IQGAP3: variants seen among roughly 807,000 people sequenced by gnomAD.
The protein encoded by IQGAP3 is IQ motif containing GTPase activating protein 3.
In IQGAP3, 165 loss-of-function variants were observed where a neutral mutation model predicts 208.2. That is an observed-to-expected ratio of 0.79 (90% CI 0.70 to 0.90). The LOEUF is 0.90. Among genes scored for constraint, IQGAP3 ranks in the 40% least tolerant of loss-of-function variants. IQGAP3 has a pLI of 0.00. For synonymous variants in IQGAP3, 703 were observed against 803.6 expected (o/e 0.87, Z 2.12); for missense variants, 1,811 against 2,043.1 (o/e 0.89, Z 2.19).
At position 156,566,077 on chromosome 1, in the gene IQGAP3, C is replaced by T; in HGVS notation, c.310G>A (p.Asp104Asn). 6.2e-7 allele frequency: 1 copy of T among 1,613,856 alleles called. No individual in the cohort carries two copies. The highest frequency in any genetic ancestry group is 1.1e-5 in the South Asian group (1 of 91,054). ...QATGLHFRHT[D>N]NINFWLSAIA... ...GCAGATAGCCAAAAGTTGATGTTGTCTGTGTGACGGAAATGTAAGCCAGTT... is the reference window on the plus strand; with the variant it reads ...GCAGATAGCCAAAAGTTGATGTTGTTTGTGTGACGGAAATGTAAGCCAGTT... Residue 104 changes from aspartate to asparagine, a missense_variant, in exon 4 of 38, where the codon GAC becomes AAC. Transcript: ENST00000361170.
At chr1:156,529,173 A>T in intron 34 of IQGAP3, 91 bp from the exon 35 acceptor site, 3 of 1,325,728 alleles carry the variant, frequency 2.3e-6, no homozygotes, top group South Asian at 1.3e-5. Flanking sequence ...ACACACTGTG[A>T]GGCTCTTCGG....
chr1:156,537,073 CCCTCCCTGCCTT>C (rs1674720812), intron 27 of IQGAP3, 96 bp downstream of exon 27: 2 of 1,239,142 alleles, frequency 1.6e-6, no homozygotes, highest in African/African-American at 1.5e-5. Context: ...GGCTCCATCT[CCCTCCCTGCCTT>C]CCTCCCTGCA....
At chr1:156,532,496 A>G (rs1674458319) in intron 32 of IQGAP3, among the ~76,000 whole-genome samples, 1 of 151,866 alleles carries the variant, frequency 6.6e-6, no homozygotes, top group Non-Finnish European at 1.5e-5. Context: ...AACTATGAAG[A>G]GGGGAAGCCA....
At chr1:156,563,438 C>T (rs945604726) in intron 7 of IQGAP3, 115 bp downstream of exon 7, 12 of 1,320,814 alleles carry the variant, frequency 9.1e-6, no homozygotes, top group Non-Finnish European at 1.2e-5. Context: ...ACCAGGTAGC[C>T]TGATGGCCCT....
intron 16 of IQGAP3, among the ~76,000 whole-genome samples, chr1:156,549,209 C>T (rs924391630): frequency 6.6e-6 from 1 of 152,154 alleles, no homozygotes; most frequent in East Asian, 1.9e-4. Flanking sequence ...GCCTGTAATC[C>T]CAGCTCTTTG....
At chr1:156,556,749 C>G in intron 11 of IQGAP3, 56 bp from the exon 12 acceptor site, 5 of 1,434,200 alleles carry the variant, frequency 3.5e-6, no homozygotes, top group Non-Finnish European at 4.6e-6. Context: ...GGCATCTCCA[C>G]TCTCCTCACC....
chr1:156,530,069 C>T lies in IQGAP3; in HGVS notation c.4404+36G>A, dbSNP rs1338521980. Reference sequence around the variant, plus strand: ...ATATGCACGCACACACACACACGTACACACAGGCACACGGAGCCCAGGCCC... The same window carrying T: ...ATATGCACGCACACACACACACGTATACACAGGCACACGGAGCCCAGGCCC... On this transcript the variant is annotated intron_variant, in intron 34 of 37. Coordinates refer to ENST00000361170, the MANE Select transcript of IQGAP3 (RefSeq NM_178229.5). The T allele has an allele frequency of 1.2e-5, 18 of 1,505,884 alleles. No individual in the cohort carries two copies. In the Admixed American group the frequency reaches 3.3e-4, roughly 27 times the overall value. The allele number at this position is 1,505,884 out of a possible 1,614,324, so 93.3% of individuals were successfully genotyped here.
Position 156,560,958 on chromosome 1 carries a change from T to C in IQGAP3, c.1105A>G (p.Thr369Ala). ...CTGGCTTGTTCCTGATCACCCTTTG[T>C]GTTGGCTGCAGCCACACCAGCCTGG... ...EVQAGVAAAN[T>A]KGDQEQAMLH... The change falls in exon 11 of 38, where the codon ACA becomes GCA. Residue 369 changes from threonine (T) to alanine (A), a missense_variant. By Grantham distance (58) the Thr-to-Ala change is moderately conservative. Coordinates refer to ENST00000361170, the MANE Select transcript of IQGAP3 (RefSeq NM_178229.5). 6.2e-7 allele frequency: 1 copy of C among 1,613,838 alleles called. No homozygotes were observed. The highest frequency in any genetic ancestry group is 8.5e-7 in the Non-Finnish European group (1 of 1,179,840).
At chr1:156,551,091 A>G (rs754999243) in intron 15 of IQGAP3, among the ~76,000 whole-genome samples, 1 of 152,244 alleles carries the variant, frequency 6.6e-6, no homozygotes, top group African/African-American at 2.4e-5. Flanking sequence ...GGCACAGAGT[A>G]AGGACTCAAT....
chr1:156,546,549 C>A (rs1191504093), intron 19 of IQGAP3, among the ~76,000 whole-genome samples: 1 of 152,178 alleles, frequency 6.6e-6, no homozygotes, highest in Admixed American at 6.5e-5. Flanking sequence ...GTTCTGGGAC[C>A]AATGCCCTGA....
In IQGAP3 at chr1:156,548,612, C is replaced by G. The variant is rs1297203125; in HGVS notation, c.1962G>C (p.Leu654=). Residue 654 remains leucine, a synonymous_variant, in exon 17 of 38, where the codon CTG becomes CTC. Coordinates refer to ENST00000361170, the MANE Select transcript of IQGAP3 (RefSeq NM_178229.5). ...GCTGTTTCTTTGCCATGGCACTTTC[C>G]AGGGCTCGCTGGTAGCCGTTGGCAC... is the stretch of plus-strand genomic sequence containing the variant. ...PDCANGYQRA[L]ESAMAKKQRP... 6.2e-7 allele frequency: 1 copy of G among 1,607,082 alleles called. No individual in the cohort carries two copies. Among genetic ancestry groups the G allele is most frequent in the Non-Finnish European group, 8.5e-7 (1 of 1,175,480 alleles).
chr1:156,533,570 G>T (rs776765888), intron 31 of IQGAP3, among the ~76,000 whole-genome samples: 2 of 152,102 alleles, frequency 1.3e-5, no homozygotes, highest in Admixed American at 1.3e-4. Flanking sequence ...CATGATGATC[G>T]TGGGTCCCTC....
chr1:156,537,892 ATTT>A (rs201573278), intron 26 of IQGAP3, among the ~76,000 whole-genome samples: 10 of 140,248 alleles, frequency 7.1e-5, no homozygotes, highest in African/African-American at 1.6e-4. Context: ...CTCCCAGCAA[ATTT>A]TTTTTTTTTT....
chr1:156,531,414 C>T lies in IQGAP3; in HGVS notation c.4104-167G>A, dbSNP rs117476181. 5.2e-4 allele frequency among the ~76,000 whole-genome samples: 79 copies of T among 152,096 alleles called. 1 individual carries two copies. In the East Asian group the frequency reaches 0.014, roughly 27 times the overall value. ...GGGATGTCGTTGCCTGGAATACCTT[C>T]CCAACAAACTATCTGCCTTTGAGTC... is the stretch of plus-strand genomic sequence containing the variant. On this transcript the variant is annotated intron_variant, in intron 32 of 37. Transcript: ENST00000361170.
intron 26 of IQGAP3, among the ~76,000 whole-genome samples, chr1:156,537,723 C>T (rs1571321288): frequency 6.6e-6 from 1 of 152,112 alleles, no homozygotes; most frequent in South Asian, 2.1e-4. Flanking sequence ...ACCAGGATTG[C>T]CTGCTCGCCT....
chr1:156,537,265 C>T lies in IQGAP3; in HGVS notation c.3338G>A (p.Arg1113Lys). The T allele has an allele frequency of 6.2e-7, 1 of 1,613,874 alleles. No individual in the cohort carries two copies. Among genetic ancestry groups the T allele is most frequent in the Non-Finnish European group, 8.5e-7 (1 of 1,179,810 alleles). The change falls in exon 27 of 38, where the codon AGA becomes AAA. Residue 1113 changes from arginine to lysine, a missense_variant. Arg to Lys is a conservative substitution (Grantham distance 26). Coordinates refer to ENST00000361170, the MANE Select transcript of IQGAP3 (RefSeq NM_178229.5). ...GTTGCGTAGGGCGATGTCCAGTCGTCTCTGGACCTCGGGGTGGCTCAAGGC... is the reference window on the plus strand; with the variant it reads ...GTTGCGTAGGGCGATGTCCAGTCGTTTCTGGACCTCGGGGTGGCTCAAGGC... ...EQALSHPEVQ[R>K]RLDIALRNLL...
At position 156,553,219 on chromosome 1, in the gene IQGAP3, G is replaced by A. The variant is rs562561241; in HGVS notation, c.1448+1016C>T. Among the ~76,000 whole-genome samples the A allele has an allele frequency of 5.9e-5, 9 of 151,598 alleles. No individual in the cohort carries two copies. In the South Asian group the frequency reaches 8.3e-4, roughly 14 times the overall value. On this transcript the variant is annotated intron_variant, in intron 13 of 37. Coordinates refer to ENST00000361170, the MANE Select transcript of IQGAP3 (RefSeq NM_178229.5). The stretch of plus-strand genomic sequence containing the variant: ...AAGTAGGTCAGATCAACTCCCTCCC[G>A]GCTCAAAACCCTCCCGTGGCTTCCT...
rs1427576974 is a variant in IQGAP3 at position 156,537,279 on chromosome 1, G to T, written c.3324C>A (p.His1108Gln). ...TGTCCAGTCGTCTCTGGACCTCGGGGTGGCTCAAGGCCTGCTCCGGGGTGA... is the reference window on the plus strand; with the variant it reads ...TGTCCAGTCGTCTCTGGACCTCGGGTTGGCTCAAGGCCTGCTCCGGGGTGA... ...YDVTPEQALS[H>Q]PEVQRRLDIA... Residue 1108 changes from histidine (H) to glutamine (Q), a missense_variant, in exon 27 of 38, where the codon CAC (histidine) becomes CAA (glutamine). Coordinates refer to ENST00000361170, the MANE Select transcript of IQGAP3 (RefSeq NM_178229.5). 3 of 1,614,028 alleles carry T rather than the reference G, an allele frequency of 1.9e-6. No homozygotes were observed. Among genetic ancestry groups the T allele is most frequent in the Non-Finnish European group, 8.5e-7 (1 of 1,179,942 alleles).
intron 37 of IQGAP3, among the ~76,000 whole-genome samples, chr1:156,527,533 A>G (rs1674157934): frequency 6.6e-6 from 1 of 152,082 alleles, no homozygotes; most frequent in African/African-American, 2.4e-5. Flanking sequence ...ACAACCAAAA[A>G]CACCGTTGCT....
Sources: gnomAD v4.1 joint callset for allele counts (sites outside exome capture counted in the v4.1 genomes callset) on GRCh38, gnomAD v4.1.1 for gene constraint, MANE v1.5 for transcripts, NCBI Gene and HGNC (gene_info 2026-07-23, HGNC 2026-07-21) for gene names.